GTPBP1: variants seen among roughly 807,000 people sequenced by gnomAD.
The protein encoded by GTPBP1 is GTP-binding protein 1.
In GTPBP1, 23 loss-of-function variants were observed where a neutral mutation model predicts 62.0. The observed-to-expected ratio is 0.37, with a 90% CI of 0.27 to 0.53. The LOEUF (loss-of-function observed/expected upper bound fraction) is 0.53, where lower values mean the gene tolerates loss of function less well. Ranked by LOEUF, GTPBP1 falls within the 20% of genes least tolerant of loss-of-function variation. The probability of loss-of-function intolerance (pLI) is 0.89; values close to 1 mark genes in which losing one functional copy is unlikely to be tolerated. For missense variants in GTPBP1, 640 were observed against 917.3 expected, an observed-to-expected ratio of 0.70 and a Z score of 3.90; for synonymous variants, 344 against 364.4, an observed-to-expected ratio of 0.94 and a Z score of 0.64.
intron 4 of GTPBP1, 114 bp downstream of exon 4, chr22:38,717,114 T>G: frequency 7.4e-6 from 5 of 676,614 alleles, no homozygotes; most frequent in Non-Finnish European, 1.3e-5. Context: ...GGCTTTGACA[T>G]CGGGTGAGGC....
chr22:38,734,002 G>A (rs1175868439), downstream of GTPBP1: 1 of 222,446 alleles, frequency 4.5e-6, no homozygotes, highest in African/African-American at 2.4e-5. Context: ...TCAGTGAAGG[G>A]GAGTGAGCAC....
intron 2 of GTPBP1, among the ~76,000 whole-genome samples, chr22:38,713,336 T>C (rs539091453): frequency 6.6e-6 from 1 of 152,146 alleles, no homozygotes; most frequent in Non-Finnish European, 1.5e-5. Flanking sequence ...AAGCTTTGAC[T>C]TGAAGTGACG....
downstream of GTPBP1, chr22:38,739,747 T>C (rs1417867039): frequency 1.9e-6 from 3 of 1,613,536 alleles, no homozygotes; most frequent in African/African-American, 4.0e-5. This position sits in a 1 kb window ranked among gnomAD's most constrained non-coding sequence, Gnocchi z 6.7. Flanking sequence ...AATCACACCT[T>C]CTTTCTGCAG....
At position 38,729,557 on chromosome 22, in the gene GTPBP1, G is replaced by T. The variant is rs773864981; in HGVS notation, c.1812G>T (p.Glu604Asp). 2 of 1,603,288 alleles carry T rather than the reference G, an allele frequency of 1.2e-6. No homozygotes were observed. The highest frequency in any genetic ancestry group is 1.7e-6 in the Non-Finnish European group (2 of 1,174,972). The stretch of plus-strand genomic sequence containing the variant: ...AGGGCCCCCTGACGAAACGAGACGA[G>T]GGGGGCCCGTCTGGTGGGCCAGCAG... ...TKKGPLTKRDEGGPSGGPAVG... is the reference protein window; with the variant it reads ...TKKGPLTKRDDGGPSGGPAVG... Residue 604 changes from glutamate (E) to aspartate (D), a missense_variant, in exon 11 of 12, where the codon GAG becomes GAT. Around this residue, in one of 4 missense-constraint regions of GTPBP1, gnomAD observed 117 missense variants for 107.1 expected, o/e 1.09. Coordinates refer to ENST00000216044, the MANE Select transcript of GTPBP1 (RefSeq NM_004286.5).
downstream of GTPBP1, chr22:38,738,152 T>C (rs1420940596): frequency 1.2e-6 from 2 of 1,611,644 alleles, no homozygotes; most frequent in Admixed American, 3.3e-5. This position sits in a 1 kb window ranked among gnomAD's most constrained non-coding sequence, Gnocchi z 6.6. Context: ...CCACTTCTGC[T>C]AGCACAGCAG....
chr22:38,708,928 G>T lies in GTPBP1; in HGVS notation c.276G>T (p.Glu92Asp). The T allele has an allele frequency of 3.8e-6, 6 of 1,599,444 alleles. No homozygotes were observed. Among genetic ancestry groups the T allele is most frequent in the Non-Finnish European group, 5.1e-6 (6 of 1,166,496 alleles). Reference sequence around the variant, plus strand: ...AGAGGATGGACGAGGGATGCGGAGAGACCATATATGTCATTGGGCAGGGAT... The same window carrying T: ...AGAGGATGGACGAGGGATGCGGAGATACCATATATGTCATTGGGCAGGGAT... ...MWERMDEGCG[E>D]TIYVIGQGSD... The change falls in exon 2 of 12, where the codon GAG becomes GAT. Residue 92 changes from glutamate to aspartate, a missense_variant. This residue lies in a region of GTPBP1 where 215 missense variants were observed against 235.1 expected (regional missense o/e 0.91). Coordinates refer to ENST00000216044, the MANE Select transcript of GTPBP1 (RefSeq NM_004286.5).
At chr22:38,719,934 T>TC (rs1383216051) in intron 4 of GTPBP1, among the ~76,000 whole-genome samples, 2 of 149,068 alleles carry the variant, frequency 1.3e-5, no homozygotes, top group Non-Finnish European at 3.0e-5. Flanking sequence ...TCTTTCTTTT[T>TC]TTTTTTTTTT....
chr22:38,739,063 C>A (rs1324134299), downstream of GTPBP1: 5 of 1,425,610 alleles, frequency 3.5e-6, no homozygotes, highest in East Asian at 2.5e-5. The surrounding 1 kb of genome is among the most constrained non-coding windows in gnomAD (Gnocchi z 6.7). Flanking sequence ...GCTGTCTCCT[C>A]GCTGAAGGTG....
rs2092752538 is a variant in GTPBP1, at chr22:38,730,613, C to A, written c.1919C>A (p.Pro640His). 1 of 1,600,718 alleles carries A rather than the reference C, an allele frequency of 6.2e-7. No homozygotes were observed. Among genetic ancestry groups the A allele is most frequent in the Non-Finnish European group, 8.5e-7 (1 of 1,174,308 alleles). The change falls in exon 12 of 12, where the codon CCT (proline) becomes CAT (histidine). Residue 640 changes from proline to histidine, a missense_variant and splice_region_variant. Transcript: ENST00000216044. This position sits in a 1 kb window ranked among gnomAD's most constrained non-coding sequence, Gnocchi z 5.6. ...TCAAGCTCCTTCTCTCTCTTTCAGC[C>A]TAAGCCCAGCAGTGGAGGCCGGCGA... ...PAASSNLQPQ[P>H]KPSSGGRRRG...
At chr22:38,725,950 A>G in intron 6 of GTPBP1, 56 bp from the exon 7 acceptor site, 2 of 1,567,096 alleles carry the variant, frequency 1.3e-6, no homozygotes, top group Non-Finnish European at 1.8e-6. Context: ...TCAGGGCAGG[A>G]CCTGGTCTCC....
chr22:38,740,915 TCTCTG>T, downstream of GTPBP1: 1 of 1,354,052 alleles, frequency 7.4e-7, no homozygotes, highest in Non-Finnish European at 1.0e-6. This position sits in a 1 kb window ranked among gnomAD's most constrained non-coding sequence, Gnocchi z 4.8. Context: ...TGATCAGAAC[TCTCTG>T]CTCTGCGGCT....
At chr22:38,721,947 C>T (rs1042297587) in intron 5 of GTPBP1, 82 bp downstream of exon 5, 11 of 971,694 alleles carry the variant, frequency 1.1e-5, no homozygotes, top group Middle Eastern at 2.5e-4. Context: ...GCTACCACGG[C>T]TTTAGCCCAG....
At chr22:38,721,295 C>T (rs981543112) in intron 4 of GTPBP1, among the ~76,000 whole-genome samples, 7 of 152,198 alleles carry the variant, frequency 4.6e-5, no homozygotes, top group East Asian at 1.9e-4. Flanking sequence ...TCAGGCTGGT[C>T]GCGAACTCCC....
At chr22:38,740,433 CTGG>C, downstream of GTPBP1, 1 of 1,504,828 alleles carries the variant, frequency 6.6e-7, no homozygotes. The surrounding 1 kb of genome is among the most constrained non-coding windows in gnomAD (Gnocchi z 4.8). Context: ...CTGGGTCATG[CTGG>C]TCCCAGAGAG....
At chr22:38,714,795 A>T (rs1389398640) in intron 2 of GTPBP1, among the ~76,000 whole-genome samples, 1 of 152,138 alleles carries the variant, frequency 6.6e-6, no homozygotes, top group Non-Finnish European at 1.5e-5. Flanking sequence ...CAGCCAGGGA[A>T]GGAGCAGGGG....
At position 38,729,456 on chromosome 22, in the gene GTPBP1, C is replaced by T. The variant is rs373743883; in HGVS notation, c.1717-6C>T. On this transcript the variant is annotated splice_polypyrimidine_tract_variant and splice_region_variant and intron_variant, in intron 10 of 11. Coordinates refer to ENST00000216044, the MANE Select transcript of GTPBP1 (RefSeq NM_004286.5). The stretch of plus-strand genomic sequence containing the variant: ...CAGCCTCAGCCTCTCTCCATGGCTC[C>T]CACAGCTCCTCCAGACCACCAACAA... The T allele has an allele frequency of 2.1e-5, 33 of 1,593,872 alleles. No individual in the cohort carries two copies. The highest frequency in any genetic ancestry group is 2.8e-5 in the Non-Finnish European group (33 of 1,170,632).
chr22:38,714,277 G>A (rs1311738060), intron 2 of GTPBP1, among the ~76,000 whole-genome samples: 2 of 152,084 alleles, frequency 1.3e-5, no homozygotes, highest in Admixed American at 6.5e-5. Context: ...TCAGGAGTTC[G>A]AGACCAGCCT....
At chr22:38,735,152 C>T (rs527982754), downstream of GTPBP1, 8 of 431,860 alleles carry the variant, frequency 1.9e-5, no homozygotes, top group East Asian at 3.5e-4. Context: ...TAAAAGTCCC[C>T]TCCTCCCCCT....
chr22:38,740,161 A>G (rs2092842393), downstream of GTPBP1: 1 of 1,385,750 alleles, frequency 7.2e-7, no homozygotes, highest in African/African-American at 1.5e-5. This position sits in a 1 kb window ranked among gnomAD's most constrained non-coding sequence, Gnocchi z 4.8. Context: ...TCTCTTGGGC[A>G]TAACAGAGGC....
Sources: gnomAD v4.1 joint callset for allele counts (sites outside exome capture counted in the v4.1 genomes callset) on GRCh38, gnomAD v4.1.1 for gene constraint, gnomAD v4.1.1 regional missense constraint, Gnocchi (gnomAD v3.1) non-coding constraint, MANE v1.5 for transcripts, NCBI Gene and HGNC (gene_info 2026-07-23, HGNC 2026-07-21) for gene names.